Variants in ARFGEF3 observed in about 807,000 individuals in gnomAD.
The protein encoded by ARFGEF3 is ARFGEF family member 3.
ARFGEF3 carries 96 observed loss-of-function variants against 221.7 expected under a neutral mutation model. That is an observed-to-expected ratio of 0.43 (90% confidence interval 0.37 to 0.51). The LOEUF is 0.51. Ranked by LOEUF, ARFGEF3 falls within the 20% of genes least tolerant of loss-of-function variation. The pLI is 0.00. For synonymous variants in ARFGEF3, 1,145 were observed against 1,126.8 expected (o/e 1.02, Z -0.32); for missense variants, 2,410 against 2,789.9 (o/e 0.86, Z 3.07).
chr6:138,206,242 C>T (rs1777622777), intron 2 of ARFGEF3, among the ~76,000 whole-genome samples: 1 of 151,980 alleles, frequency 6.6e-6, no homozygotes, highest in African/African-American at 2.4e-5. Flanking sequence ...AGAGTAGATG[C>T]TTCTAACAGA....
chr6:138,242,863 T>G, intron 6 of ARFGEF3, 89 bp from the exon 7 acceptor site: 3 of 1,173,090 alleles, frequency 2.6e-6, no homozygotes, highest in Non-Finnish European at 3.8e-6. Flanking sequence ...CCGGAAGCCA[T>G]TTTGTTTCCT....
chr6:138,328,229 T>C, intron 32 of ARFGEF3, 87 bp downstream of exon 32: 3 of 1,395,268 alleles, frequency 2.2e-6, no homozygotes, highest in Non-Finnish European at 2.9e-6. Context: ...ATCTGAGCTT[T>C]GGCCAGAAAT....
chr6:138,166,654 A>C (rs1383259601), intron 1 of ARFGEF3, among the ~76,000 whole-genome samples: 1 of 152,236 alleles, frequency 6.6e-6, no homozygotes, highest in African/African-American at 2.4e-5. Flanking sequence ...AGAAACTGGC[A>C]GTCCTGGGGG....
intron 8 of ARFGEF3, among the ~76,000 whole-genome samples, chr6:138,250,314 T>C (rs1778556806): frequency 6.6e-6 from 1 of 152,206 alleles, no homozygotes; most frequent in Non-Finnish European, 1.5e-5. Flanking sequence ...AGTTACATGA[T>C]GCTTTTTAAA....
chr6:138,298,629 T>C lies in ARFGEF3; in HGVS notation c.3672T>C (p.His1224=). 2 of 1,613,066 alleles carry C rather than the reference T, an allele frequency of 1.2e-6. No homozygotes were observed. The highest frequency in any genetic ancestry group is 1.7e-6 in the Non-Finnish European group (2 of 1,179,556). The change falls in exon 22 of 34, where the codon CAT becomes CAC. Residue 1224 remains histidine, a synonymous_variant. Coordinates refer to ENST00000251691, the MANE Select transcript of ARFGEF3 (RefSeq NM_020340.5). ...LVEAACHKER[H]VSQKAVSFIH... is the part of the protein sequence containing the mutation. ...AGGCTGCTTGCCATAAGGAAAGACATGTGTCTCAGAAGGCTGTTTCCTTCA... is the reference window on the plus strand; with the variant it reads ...AGGCTGCTTGCCATAAGGAAAGACACGTGTCTCAGAAGGCTGTTTCCTTCA...
At chr6:138,208,618 C>A (rs556535623) in intron 3 of ARFGEF3, among the ~76,000 whole-genome samples, 2 of 152,210 alleles carry the variant, frequency 1.3e-5, no homozygotes, top group East Asian at 3.9e-4. Flanking sequence ...AAATCAATTG[C>A]ACCAAGACAG....
intron 4 of ARFGEF3, among the ~76,000 whole-genome samples, chr6:138,226,095 A>G (rs887836008): frequency 2.0e-5 from 3 of 152,186 alleles, no homozygotes; most frequent in Non-Finnish European, 4.4e-5. Flanking sequence ...TGCCCTGATC[A>G]TGGTCGCTGG....
intron 28 of ARFGEF3, 49 bp downstream of exon 28, chr6:138,319,928 A>G (rs1477878087): frequency 1.3e-6 from 2 of 1,513,858 alleles, no homozygotes; most frequent in East Asian, 2.3e-5. Flanking sequence ...TTTGGTAGAC[A>G]GCACCGTCAG....
chr6:138,168,363 G>A (rs904065360), intron 1 of ARFGEF3, among the ~76,000 whole-genome samples: 11 of 152,342 alleles, frequency 7.2e-5, no homozygotes, highest in Admixed American at 2.0e-4. Context: ...TCCTAGTTGG[G>A]AAAACATCTG....
At chr6:138,293,416 C>T (rs759898658) in intron 19 of ARFGEF3, among the ~76,000 whole-genome samples, 14 of 152,214 alleles carry the variant, frequency 9.2e-5, no homozygotes, top group East Asian at 1.9e-4. Context: ...GAAAAAGAAC[C>T]TGTAAGACCC....
chr6:138,285,920 A>G (rs767994025), intron 14 of ARFGEF3, 26 bp from the exon 15 acceptor site: 4 of 1,494,196 alleles, frequency 2.7e-6, no homozygotes, highest in Non-Finnish European at 3.7e-6. Flanking sequence ...TTATTTAGGG[A>G]AAACTTCTTT....
chr6:138,177,749 G>A (rs187231752), intron 2 of ARFGEF3, among the ~76,000 whole-genome samples: 21 of 151,788 alleles, frequency 1.4e-4, no homozygotes, highest in African/African-American at 5.1e-4. Flanking sequence ...GCTTGGTCTA[G>A]TCTATTACTG....
chr6:138,192,231 G>A (rs1777317970), intron 2 of ARFGEF3, among the ~76,000 whole-genome samples: 1 of 152,206 alleles, frequency 6.6e-6, no homozygotes, highest in African/African-American at 2.4e-5. Context: ...GTTCACGCCT[G>A]TAATCCTAGC....
At chr6:138,309,611 T>A (rs1779789516) in intron 24 of ARFGEF3, among the ~76,000 whole-genome samples, 1 of 152,196 alleles carries the variant, frequency 6.6e-6, no homozygotes, top group South Asian at 2.1e-4. Context: ...ATTCCTACAA[T>A]TATGGAGGCT....
intron 20 of ARFGEF3, among the ~76,000 whole-genome samples, chr6:138,295,105 A>C (rs1779481701): frequency 1.3e-5 from 2 of 152,120 alleles, no homozygotes; most frequent in South Asian, 4.2e-4. Flanking sequence ...TTCGCATTGG[A>C]GAAAACAGTA....
At chr6:138,240,066 C>T (rs1429802115) in intron 6 of ARFGEF3, among the ~76,000 whole-genome samples, 3 of 152,002 alleles carry the variant, frequency 2.0e-5, no homozygotes, top group African/African-American at 7.2e-5. Context: ...GTATCCAAAG[C>T]CCCAGTTTCT....
chr6:138,300,479 A>G (rs571953787), intron 22 of ARFGEF3, among the ~76,000 whole-genome samples: 1 of 152,346 alleles, frequency 6.6e-6, no homozygotes, highest in East Asian at 1.9e-4. Context: ...TCACTCGAAG[A>G]CACTGACATA....
chr6:138,212,812 T>A (rs1344663098), intron 4 of ARFGEF3, among the ~76,000 whole-genome samples: 1 of 151,848 alleles, frequency 6.6e-6, no homozygotes, highest in Non-Finnish European at 1.5e-5. Flanking sequence ...CACTTATAGG[T>A]GGGAATTGAA....
chr6:138,242,941 T>C lies in ARFGEF3; in HGVS notation c.544-11T>C. ...AATCTCCTAATTGTGTGTGTGTATC[T>C]CCCTTACTAGATAATTGAAAACCCA... On this transcript the variant is annotated splice_polypyrimidine_tract_variant and intron_variant, in intron 6 of 33. Transcript: ENST00000251691. 1 of 1,607,626 alleles carries C rather than the reference T, an allele frequency of 6.2e-7. No homozygotes were observed. The highest frequency in any genetic ancestry group is 8.5e-7 in the Non-Finnish European group (1 of 1,174,688).
Sources: allele counts gnomAD v4.1 joint callset (sites outside exome capture counted in the v4.1 genomes callset), GRCh38; gene constraint gnomAD v4.1.1; transcripts MANE v1.5; gene names NCBI Gene and HGNC (gene_info 2026-07-23, HGNC 2026-07-21).